Variants in SPAG16 observed in about 807,000 individuals in gnomAD.
SPAG16 encodes sperm associated antigen 16, also known as sperm-associated antigen 16 protein.
Under a neutral mutation model 80.4 loss-of-function variants are expected in SPAG16, and 86 were observed. That is an observed-to-expected ratio of 1.07 (90% CI 0.90 to 1.28). The LOEUF (loss-of-function observed/expected upper bound fraction) is 1.28, where lower values mean the gene tolerates loss of function less well. Among genes scored for constraint, SPAG16 ranks in the 50% most tolerant of loss-of-function variants. The pLI is 0.00. For missense variants in SPAG16, 870 were observed against 765.3 expected (o/e 1.14, Z -1.61); for synonymous variants, 294 against 265.9 (o/e 1.11, Z -1.03).
At chr2:214,000,222 G>A (rs2046728510) in intron 12 of SPAG16, among the ~76,000 whole-genome samples, 1 of 152,144 alleles carries the variant, frequency 6.6e-6, no homozygotes, top group Non-Finnish European at 1.5e-5. Flanking sequence ...GACCCAGTGG[G>A]AGATCATTTG....
intron 15 of SPAG16, among the ~76,000 whole-genome samples, chr2:214,405,042 T>C (rs1298925637): frequency 6.6e-6 from 1 of 152,174 alleles, no homozygotes; most frequent in Admixed American, 6.5e-5. Flanking sequence ...GCATTAAAGT[T>C]AAGAACTTAT....
At chr2:213,491,182 T>C (rs950404216) in intron 10 of SPAG16, among the ~76,000 whole-genome samples, 4 of 152,248 alleles carry the variant, frequency 2.6e-5, no homozygotes, top group African/African-American at 4.8e-5. Context: ...GATACATTTA[T>C]ACCTTAGTGT....
chr2:213,574,983 A>G (rs2060073077), intron 10 of SPAG16, among the ~76,000 whole-genome samples: 1 of 151,952 alleles, frequency 6.6e-6, no homozygotes, highest in Non-Finnish European at 1.5e-5. Flanking sequence ...ATTATCCGTT[A>G]TTTTCCCTTT....
chr2:213,862,685 CTCTG>C, intron 11 of SPAG16, 57 bp downstream of exon 11: 1 of 1,568,056 alleles, frequency 6.4e-7, no homozygotes, highest in Non-Finnish European at 8.8e-7. Flanking sequence ...TGCTCCTTTA[CTCTG>C]TCTGCTCACT....
intron 15 of SPAG16, among the ~76,000 whole-genome samples, chr2:214,267,941 G>A (rs1194872694): frequency 6.6e-6 from 1 of 151,688 alleles, no homozygotes; most frequent in African/African-American, 2.4e-5. Flanking sequence ...GAGGGTAATA[G>A]CCAAAATATA....
chr2:213,292,682 A>AACAAACAACAACAAC (rs2062337093), intron 1 of SPAG16, among the ~76,000 whole-genome samples: 1 of 134,276 alleles, frequency 7.4e-6, no homozygotes, highest in Non-Finnish European at 1.6e-5. Context: ...AAAACAAAAA[A>AACAAACAACAACAAC]AACAAAAAAA....
intron 10 of SPAG16, among the ~76,000 whole-genome samples, chr2:213,854,346 G>A (rs748682488): frequency 5.3e-5 from 8 of 152,102 alleles, no homozygotes; most frequent in Non-Finnish European, 1.0e-4. Flanking sequence ...AATAATAGTT[G>A]ACATTTGTGG....
chr2:213,548,275 C>T (rs1429890231), intron 10 of SPAG16, among the ~76,000 whole-genome samples: 1 of 152,078 alleles, frequency 6.6e-6, no homozygotes, highest in African/African-American at 2.4e-5. Context: ...TGCAGTGGCG[C>T]GATCTTGGCG....
At chr2:213,829,246 C>T (rs1203163144) in intron 10 of SPAG16, among the ~76,000 whole-genome samples, 1 of 152,052 alleles carries the variant, frequency 6.6e-6, no homozygotes, top group African/African-American at 2.4e-5. Flanking sequence ...TCTTTTGTGA[C>T]CCCAGAAAGA....
At chr2:214,408,494 A>G (rs913224099) in intron 15 of SPAG16, among the ~76,000 whole-genome samples, 1 of 152,170 alleles carries the variant, frequency 6.6e-6, no homozygotes, top group Non-Finnish European at 1.5e-5. Context: ...GTTTTGTTCT[A>G]GATGAAGAAG....
intron 12 of SPAG16, among the ~76,000 whole-genome samples, chr2:213,955,027 G>C (rs1432502115): frequency 6.6e-6 from 1 of 151,908 alleles, no homozygotes; most frequent in South Asian, 2.1e-4. Context: ...TCAGTTGTAA[G>C]ATTTCTTTAC....
intron 10 of SPAG16, among the ~76,000 whole-genome samples, chr2:213,842,263 G>T (rs565413290): frequency 6.6e-6 from 1 of 152,030 alleles, no homozygotes; most frequent in South Asian, 2.1e-4. Flanking sequence ...ATAACATATC[G>T]TAGCAGATAT....
rs1030321367 is a variant in SPAG16, at chr2:214,291,488, G to A, written c.1721-118652G>A. Among the ~76,000 whole-genome samples, 11 of 150,780 alleles carry A rather than the reference G, an allele frequency of 7.3e-5. 1 individual carries two copies. Among genetic ancestry groups the A allele is most frequent in the Non-Finnish European group, 1.6e-4 (11 of 67,732 alleles). On this transcript the variant is annotated intron_variant, in intron 15 of 15. Coordinates refer to ENST00000331683, the MANE Select transcript of SPAG16 (RefSeq NM_024532.5). ...GCCCAGCTAATTTTTTGTATTTTTA[G>A]TAGAGACGGGGTTTCACCGTTTTAG...
chr2:213,708,277 C>A (rs2065841537), intron 10 of SPAG16, among the ~76,000 whole-genome samples: 1 of 152,202 alleles, frequency 6.6e-6, no homozygotes, highest in South Asian at 2.1e-4. Flanking sequence ...CCCCTTCTAA[C>A]ATGCCACCTA....
intron 10 of SPAG16, among the ~76,000 whole-genome samples, chr2:213,817,340 A>G (rs924642981): frequency 6.6e-6 from 1 of 150,538 alleles, no homozygotes; most frequent in Non-Finnish European, 1.5e-5. Flanking sequence ...TAACAGAGAA[A>G]AGATGCTGGT....
chr2:214,179,131 A>G (rs1369602696), intron 15 of SPAG16, among the ~76,000 whole-genome samples: 1 of 151,402 alleles, frequency 6.6e-6, no homozygotes, highest in African/African-American at 2.4e-5. Flanking sequence ...AAACAAAATC[A>G]TCTAGCCTGT....
At chr2:214,249,124 A>G (rs1690064868) in intron 15 of SPAG16, among the ~76,000 whole-genome samples, 1 of 152,166 alleles carries the variant, frequency 6.6e-6, no homozygotes, top group Non-Finnish European at 1.5e-5. Flanking sequence ...CAAACACACT[A>G]TGTGGGACTG....
chr2:213,794,746 A>C (rs904911741), intron 10 of SPAG16, among the ~76,000 whole-genome samples: 1 of 140,162 alleles, frequency 7.1e-6, no homozygotes, highest in African/African-American at 2.5e-5. Flanking sequence ...ACTCTTCGAA[A>C]AATACACTAA....
chr2:214,194,254 C>A (rs2125704034), intron 15 of SPAG16, among the ~76,000 whole-genome samples: 1 of 152,134 alleles, frequency 6.6e-6, no homozygotes, highest in East Asian at 1.9e-4. Context: ...TGCCCTGGAT[C>A]TCCAAAATCT....
Sources: allele counts gnomAD v4.1 joint callset (sites outside exome capture counted in the v4.1 genomes callset), GRCh38; gene constraint gnomAD v4.1.1; transcripts MANE v1.5; gene names NCBI Gene and HGNC (gene_info 2026-07-23, HGNC 2026-07-21).